Variants in CNIH3 observed in about 807,000 individuals in gnomAD.
CNIH3 encodes the protein cornichon family AMPA receptor auxiliary protein 3, also known as protein cornichon homolog 3.
In CNIH3, 14 loss-of-function variants were observed where a neutral mutation model predicts 24.1. The ratio of observed to expected loss-of-function variants is 0.58; its 90% CI spans 0.38 to 0.91. CNIH3 has a LOEUF of 0.91. Among genes scored for constraint, CNIH3 ranks in the 40% least tolerant of loss-of-function variants. The pLI is 0.00. For missense variants in CNIH3, 178 were observed against 196.8 expected (o/e 0.90, Z 0.57); for synonymous variants, 68 against 73.8 (o/e 0.92, Z 0.40).
chr1:224,573,557 G>A (rs1680911000), intron 4 of CNIH3, among the ~76,000 whole-genome samples: 1 of 152,304 alleles, frequency 6.6e-6, no homozygotes, highest in East Asian at 1.9e-4. Context: ...TTCTAAGGCA[G>A]AATAAGGAAA....
At chr1:224,544,403 G>A (rs191894047) in intron 2 of CNIH3, among the ~76,000 whole-genome samples, 10 of 152,238 alleles carry the variant, frequency 6.6e-5, no homozygotes, top group Non-Finnish European at 1.2e-4. Context: ...TCTCATGCAC[G>A]CCAACTCAGA....
chr1:224,705,465 CAG>C (rs753062663), intron 3 of CNIH3, among the ~76,000 whole-genome samples: 18 of 152,238 alleles, frequency 1.2e-4, no homozygotes, highest in African/African-American at 2.4e-4. Context: ...TTTAGTTATG[CAG>C]AGTCACAAGC....
At chr1:224,556,883 G>A (rs527270055) in intron 3 of CNIH3, among the ~76,000 whole-genome samples, 1 of 152,112 alleles carries the variant, frequency 6.6e-6, no homozygotes, top group African/African-American at 2.4e-5. Flanking sequence ...TAGACCTTGT[G>A]TCCCAAAGAC....
chr1:224,511,630 G>A (rs918117282), upstream of CNIH3, among the ~76,000 whole-genome samples: 1 of 152,052 alleles, frequency 6.6e-6, no homozygotes, highest in African/African-American at 2.4e-5. Flanking sequence ...GCTGAGGTGG[G>A]AAGATCATTT....
upstream of CNIH3, among the ~76,000 whole-genome samples, chr1:224,514,879 T>G (rs78997067): frequency 0.044 from 6,624 of 152,248 alleles, 428 homozygotes; most frequent in African/African-American, 0.14. Context: ...AAGCCCCTTC[T>G]CTGCCTCCCA....
intron 1 of CNIH3, among the ~76,000 whole-genome samples, chr1:224,482,291 T>G (rs1676846375): frequency 6.6e-6 from 1 of 152,084 alleles, no homozygotes; most frequent in African/African-American, 2.4e-5. Flanking sequence ...TTCCTCTGCT[T>G]TTCTCAAGCA....
At position 224,616,504 on chromosome 1, in the gene CNIH3, G is replaced by T. The variant is rs533915258; in HGVS notation, c.-671G>T. 9.4e-5 allele frequency: 93 copies of T among 988,040 alleles called. No homozygotes were observed. In the African/African-American group the frequency reaches 1.6e-3, roughly 17 times the overall value. 61.2% of individuals were successfully genotyped at this position (988,040 alleles called of 1,614,324 possible). ...TTGGGTTGCGGAGGCCGGCTGGCCG[G>T]AGTCACGGTTGGGGACGGGCGCGCC... On this transcript the variant is annotated 5_prime_UTR_variant, in exon 1 of 6. Transcript: ENST00000272133.
rs938002338 is a variant in CNIH3 at position 224,704,523 on chromosome 1, C to T, written c.198+19680C>T. ...GGAAGAGCAGCACAATGAACACCCA[C>T]GTAGCCTTCACCAAGATCCGCCGCT... On this transcript the variant is annotated intron_variant, in intron 3 of 5. Coordinates refer to ENST00000272133, the MANE Select transcript of CNIH3 (RefSeq NM_152495.2). This position sits in a 1 kb window ranked among gnomAD's most constrained non-coding sequence, Gnocchi z 4.2. Among the ~76,000 whole-genome samples the T allele has an allele frequency of 1.3e-5, 2 of 152,156 alleles. No individual in the cohort carries two copies. The highest frequency in any genetic ancestry group is 2.4e-5 in the African/African-American group (1 of 41,406).
At chr1:224,689,126 G>A (rs770462587) in intron 3 of CNIH3, among the ~76,000 whole-genome samples, 26 of 151,974 alleles carry the variant, frequency 1.7e-4, no homozygotes, top group Non-Finnish European at 3.4e-4. Context: ...TTTATATTTG[G>A]AAGGTTTTGG....
At chr1:224,734,513 C>T (rs763435427) in intron 4 of CNIH3, 50 bp from the exon 5 acceptor site, 34 of 1,598,132 alleles carry the variant, frequency 2.1e-5, no homozygotes, top group Admixed American at 1.7e-4. Flanking sequence ...GCCCAGGTTA[C>T]GCCAGAAGTA....
chr1:224,611,555 T>C (rs1682699841), upstream of CNIH3: 1 of 152,266 alleles, frequency 6.6e-6, no homozygotes, highest in Non-Finnish European at 1.5e-5. Flanking sequence ...TTCCTCCTTA[T>C]GGTCACAAGA....
chr1:224,727,235 T>G (rs1689079626), intron 3 of CNIH3, among the ~76,000 whole-genome samples: 1 of 152,198 alleles, frequency 6.6e-6, no homozygotes, highest in Non-Finnish European at 1.5e-5. Context: ...GTCTGGGGCT[T>G]GCTGATGGTA....
chr1:224,627,793 C>T (rs1683612742), intron 1 of CNIH3, among the ~76,000 whole-genome samples: 1 of 152,184 alleles, frequency 6.6e-6, no homozygotes, highest in South Asian at 2.1e-4. Flanking sequence ...GAGGGAATGG[C>T]TTCTCTCTCC....
chr1:224,559,201 T>C (rs1680262770), intron 3 of CNIH3, among the ~76,000 whole-genome samples: 1 of 152,210 alleles, frequency 6.6e-6, no homozygotes, highest in African/African-American at 2.4e-5. Context: ...CTTTCTATAC[T>C]GTTTGGGTTC....
intron 3 of CNIH3, among the ~76,000 whole-genome samples, chr1:224,610,216 G>C (rs185010227): frequency 6.6e-6 from 1 of 152,278 alleles, no homozygotes; most frequent in East Asian, 1.9e-4. Flanking sequence ...AATGCATTTT[G>C]ATGTACACTA....
intron 3 of CNIH3, among the ~76,000 whole-genome samples, chr1:224,558,621 G>T (rs1319077791): frequency 2.0e-5 from 3 of 152,188 alleles, no homozygotes; most frequent in Non-Finnish European, 4.4e-5. Flanking sequence ...GGAGTAAACT[G>T]CTCCCACCAC....
At chr1:224,652,324 T>C (rs1427421372) in intron 1 of CNIH3, among the ~76,000 whole-genome samples, 1 of 152,104 alleles carries the variant, frequency 6.6e-6, no homozygotes, top group African/African-American at 2.4e-5. Context: ...GAGTATAACC[T>C]GGCTACATTC....
Position 224,680,938 on chromosome 1 carries a change from A to G in CNIH3, c.82-20A>G. The G allele has an allele frequency of 2.5e-6, 4 of 1,602,056 alleles. No individual in the cohort carries two copies. Among genetic ancestry groups the G allele is most frequent in the Non-Finnish European group, 3.4e-6 (4 of 1,169,034 alleles). ...TGACTCGTGTGCACTAACACCTCAA[A>G]TCTCTGTATTCTGTTTCAGATAATT... On this transcript the variant is annotated intron_variant, in intron 1 of 5. Coordinates refer to ENST00000272133, the MANE Select transcript of CNIH3 (RefSeq NM_152495.2).
intron 1 of CNIH3, among the ~76,000 whole-genome samples, chr1:224,442,116 T>C (rs58243680): frequency 0.071 from 10,615 of 148,476 alleles, 1,199 homozygotes; most frequent in African/African-American, 0.24. Context: ...TGAGGTGGGC[T>C]CAAGCAATCC....
Sources: allele counts gnomAD v4.1 joint callset (sites outside exome capture counted in the v4.1 genomes callset), GRCh38; gene constraint gnomAD v4.1.1; non-coding constraint Gnocchi (gnomAD v3.1); transcripts MANE v1.5; gene names NCBI Gene and HGNC (gene_info 2026-07-23, HGNC 2026-07-21).